C4orf50: variants seen among roughly 807,000 people sequenced by gnomAD.
C4orf50 encodes uncharacterized protein C4orf50.
C4orf50 carries 80 observed loss-of-function variants against 77.2 expected under a neutral mutation model. The observed-to-expected ratio is 1.04, with a 90% CI of 0.87 to 1.25. C4orf50 has a LOEUF of 1.25. C4orf50 is among the 50% of genes most tolerant of loss of function. C4orf50 has a pLI of 0.00. For missense variants in C4orf50, 1,257 were observed against 1,152.9 expected (o/e 1.09, Z -1.31); for synonymous variants, 532 against 465.3 (o/e 1.14, Z -1.84).
At chr4:5,967,422 G>C in exon 32 of C4orf50, 1 of 1,613,698 alleles carries the variant, frequency 6.2e-7, no homozygotes, top group Non-Finnish European at 8.5e-7. Flanking sequence ...ACCTCTTAAA[G>C]CTGCCGTCAT....
At chr4:5,974,657 G>A (rs1560575236) in intron 30 of C4orf50, among the ~76,000 whole-genome samples, 1 of 152,150 alleles carries the variant, frequency 6.6e-6, no homozygotes, top group Non-Finnish European at 1.5e-5. Context: ...TGAGGCCAGA[G>A]AGAAAGAGCA....
chr4:5,990,203 A>G, exon 28 of C4orf50: 1 of 1,245,502 alleles, frequency 8.0e-7, no homozygotes, highest in Non-Finnish European at 1.0e-6. Flanking sequence ...CCAGGGCGGC[A>G]GGTGGCGGCC....
chr4:5,974,526 T>C (rs1298515992), intron 30 of C4orf50, among the ~76,000 whole-genome samples: 1 of 152,146 alleles, frequency 6.6e-6, no homozygotes, highest in Non-Finnish European at 1.5e-5. Flanking sequence ...ATGTTTCTGA[T>C]TTGACGGCTG....
intron 7 of C4orf50, among the ~76,000 whole-genome samples, chr4:5,951,340 G>GC (rs1272714587): frequency 1.2e-4 from 2 of 17,104 alleles, no homozygotes; most frequent in Non-Finnish European, 2.9e-4. Context: ...AGGGAATGAA[G>GC]GGGGGTGGTG....
chr4:6,007,912 G>T lies in C4orf50; in HGVS notation c.963+84C>A. 2.5e-6 allele frequency: 1 copy of T among 398,980 alleles called. No homozygotes were observed. Among genetic ancestry groups the T allele is most frequent in the South Asian group, 1.3e-4 (1 of 7,560 alleles). The allele number at this position is 398,980 out of a possible 1,614,324, so 24.7% of individuals were successfully genotyped here. On this transcript the variant is annotated intron_variant, in intron 25 of 33. Transcript: ENST00000531445. This position sits in a 1 kb window ranked among gnomAD's most constrained non-coding sequence, Gnocchi z 4.1. ...CTGTAGGAAGAGGAGCCCGGGGAATGGATGGGCCAATGACTTCACCAAGTG... is the reference window on the plus strand; with the variant it reads ...CTGTAGGAAGAGGAGCCCGGGGAATTGATGGGCCAATGACTTCACCAAGTG...
At chr4:5,964,942 G>T in intron 33 of C4orf50, 82 bp downstream of exon 11, 1 of 1,385,714 alleles carries the variant, frequency 7.2e-7, no homozygotes, top group Non-Finnish European at 1.0e-6. Context: ...TATATCGCTT[G>T]GATAATTTGC....
intron 32 of C4orf50, 46 bp downstream of exon 10, chr4:5,967,368 C>A (rs746410755): frequency 4.5e-6 from 7 of 1,542,176 alleles, no homozygotes; most frequent in South Asian, 1.1e-5. Flanking sequence ...CCGGCCTGGA[C>A]TTTTTCTGAG....
At chr4:5,935,146 A>T (rs1354960062) in intron 7 of C4orf50, among the ~76,000 whole-genome samples, 1 of 152,212 alleles carries the variant, frequency 6.6e-6, no homozygotes, top group Non-Finnish European at 1.5e-5. Flanking sequence ...CAGGAGGAGC[A>T]GTTCTCACAG....
Position 5,970,761 on chromosome 4 carries a change from G to A in C4orf50, c.4104+2898C>T, listed in dbSNP as rs1393826476. On this transcript the variant is annotated intron_variant, in intron 31 of 33. Transcript: ENST00000531445. The surrounding 1 kb of genome is among the most constrained non-coding windows in gnomAD (Gnocchi z 4.3). ...GGCCACGCCACCTCCTCCTGAAAGG[G>A]TAGAGCTTAGTGGCCTCAGCCCAAG... 6.6e-6 allele frequency among the ~76,000 whole-genome samples: 1 copy of A among 152,192 alleles called. No individual in the cohort carries two copies. Among genetic ancestry groups the A allele is most frequent in the East Asian group, 1.9e-4 (1 of 5,174 alleles).
chr4:5,930,024 A>T (rs1275876463), intron 7 of C4orf50, among the ~76,000 whole-genome samples: 1 of 152,190 alleles, frequency 6.6e-6, no homozygotes. Context: ...GCCTGTGTCT[A>T]ACAGGACGCA....
intron 30 of C4orf50, among the ~76,000 whole-genome samples, chr4:5,974,678 C>T (rs1284566364): frequency 1.3e-5 from 2 of 152,320 alleles, no homozygotes; most frequent in East Asian, 3.9e-4. Flanking sequence ...GAGCCCCCAG[C>T]TTCTCCTCAG....
chr4:5,916,720 A>G lies in C4orf50; in HGVS notation c.*2475-18532T>C, dbSNP rs1560539904. ...CAGAGAAGACAATATCCAGATGGGT[A>G]CTGAGGTCACTCCTGCAGGAAATAG... On this transcript the variant is annotated intron_variant, in intron 7 of 7. Coordinates refer to the C4orf50 transcript ENST00000324058. The surrounding 1 kb of genome is among the most constrained non-coding windows in gnomAD (Gnocchi z 4.4). Among the ~76,000 whole-genome samples, 1 of 152,176 alleles carries G rather than the reference A, an allele frequency of 6.6e-6. No homozygotes were observed. The highest frequency in any genetic ancestry group is 1.5e-5 in the Non-Finnish European group (1 of 68,022).
At chr4:5,930,622 C>A (rs748306876) in intron 7 of C4orf50, among the ~76,000 whole-genome samples, 2 of 152,224 alleles carry the variant, frequency 1.3e-5, no homozygotes, top group South Asian at 2.1e-4. Context: ...CTGCATAGAG[C>A]GGGCATGAAG....
chr4:5,962,346 T>C (rs1191357121), intron 33 of C4orf50, among the ~76,000 whole-genome samples: 1 of 152,254 alleles, frequency 6.6e-6, no homozygotes, highest in Non-Finnish European at 1.5e-5. Flanking sequence ...TTTTTAGTGA[T>C]AACTTTGAAG....
chr4:5,911,179 G>A (rs6848724), intron 7 of C4orf50, among the ~76,000 whole-genome samples: 1,706 of 152,262 alleles, frequency 0.011, 30 homozygotes, highest in African/African-American at 0.038. Flanking sequence ...AAAGTGCTGG[G>A]ATTACAGGCG....
At chr4:5,980,319 T>G in exon 29 of C4orf50, 1 of 1,611,270 alleles carries the variant, frequency 6.2e-7, no homozygotes, top group Non-Finnish European at 8.5e-7. Context: ...CTCAGTAACC[T>G]CGGCCTCTGA....
chr4:5,946,177 T>A (rs1328951097), intron 7 of C4orf50, among the ~76,000 whole-genome samples: 1 of 152,148 alleles, frequency 6.6e-6, no homozygotes, highest in African/African-American at 2.4e-5. Flanking sequence ...CCCCTTGTCC[T>A]GCCCCTGAGC....
At chr4:5,933,316 C>T (rs750649565) in intron 7 of C4orf50, among the ~76,000 whole-genome samples, 1 of 152,248 alleles carries the variant, frequency 6.6e-6, no homozygotes, top group Non-Finnish European at 1.5e-5. Flanking sequence ...GGAAGGCTCC[C>T]TACTGATTCT....
chr4:5,968,989 T>C (rs549183418), intron 31 of C4orf50, among the ~76,000 whole-genome samples: 1 of 152,314 alleles, frequency 6.6e-6, no homozygotes, highest in Non-Finnish European at 1.5e-5. Flanking sequence ...AGTTGAGTCC[T>C]GCCTCTGCCA....
Sources: gnomAD v4.1 joint callset for allele counts (sites outside exome capture counted in the v4.1 genomes callset) on GRCh38, gnomAD v4.1.1 for gene constraint, Gnocchi (gnomAD v3.1) non-coding constraint, MANE v1.5 for transcripts, NCBI Gene and HGNC (gene_info 2026-07-23, HGNC 2026-07-21) for gene names.